The following CCNE1 variants were observed in gnomAD, a reference collection of about 807,000 sequenced individuals.
The protein encoded by CCNE1 is G1/S-specific cyclin-E1.
A neutral mutation model predicts 54.1 loss-of-function variants in CCNE1; 8 were observed. The ratio of observed to expected loss-of-function variants is 0.15; its 90% CI spans 0.09 to 0.27. The LOEUF (loss-of-function observed/expected upper bound fraction) is 0.27, where lower values mean the gene tolerates loss of function less well. Ranked by LOEUF, CCNE1 falls within the 10% of genes least tolerant of loss-of-function variation. The pLI is 1.00. For missense variants in CCNE1, 430 were observed against 514.9 expected, an observed-to-expected ratio of 0.84 and a Z score of 1.60; for synonymous variants, 179 against 185.2, an observed-to-expected ratio of 0.97 and a Z score of 0.27.
chr19:29,813,925 C>CT (rs1973952475), intron 4 of CCNE1, among the ~76,000 whole-genome samples: 1 of 152,258 alleles, frequency 6.6e-6, no homozygotes, highest in Admixed American at 6.5e-5. Flanking sequence ...AGTGTTCGAC[C>CT]TGAGTGCAGG....
intron 6 of CCNE1, among the ~76,000 whole-genome samples, chr19:29,820,031 G>A (rs1435668266): frequency 6.6e-6 from 1 of 152,218 alleles, no homozygotes; most frequent in Non-Finnish European, 1.5e-5. Context: ...TTTCCAAATA[G>A]CCAGCATCAC....
intron 1 of CCNE1, among the ~76,000 whole-genome samples, 158 bp downstream of exon 1, chr19:29,812,310 G>A (rs1599593979): frequency 2.0e-5 from 3 of 148,930 alleles, no homozygotes; most frequent in South Asian, 4.1e-4. Flanking sequence ...GGGTGGAGGG[G>A]ACACTGAGGC....
chr19:29,819,893 G>A (rs966776175), intron 6 of CCNE1, among the ~76,000 whole-genome samples: 1 of 152,216 alleles, frequency 6.6e-6, no homozygotes, highest in African/African-American at 2.4e-5. Context: ...ATCCTCGGGG[G>A]TACATCCCAA....
intron 1 of CCNE1, 27 bp from the exon 2 acceptor site, chr19:29,812,505 G>T (rs1481557180): frequency 7.9e-6 from 10 of 1,269,142 alleles, no homozygotes; most frequent in Non-Finnish European, 8.9e-6. Context: ...TGACCCCGCC[G>T]CCGCCTCACC....
In CCNE1 at chr19:29,822,215, C is replaced by T. The variant is rs1168672800; in HGVS notation, c.841-25C>T. ...AGAATAGGCGTGTGGTGGCATCCAT[C>T]TCAGCGTTCTTTTCTTCTCCGTAGC... On this transcript the variant is annotated intron_variant, in intron 9 of 11. Coordinates refer to ENST00000262643, the MANE Select transcript of CCNE1 (RefSeq NM_001238.4). 1.9e-6 allele frequency: 3 copies of T among 1,610,800 alleles called. No individual in the cohort carries two copies. The African/African-American group carries it at 4.0e-5, about 22-fold the overall frequency.
chr19:29,815,639 TTG>T (rs528760758), intron 4 of CCNE1, among the ~76,000 whole-genome samples: 7,400 of 141,134 alleles, frequency 0.052, 149 homozygotes, highest in East Asian at 0.18. Flanking sequence ...TTTTTTTTTT[TTG>T]GGGGGGGGAC....
At chr19:29,812,315 T>C (rs1973908110) in intron 1 of CCNE1, among the ~76,000 whole-genome samples, 163 bp downstream of exon 1, 1 of 145,850 alleles carries the variant, frequency 6.9e-6, no homozygotes, top group Non-Finnish European at 1.5e-5. Context: ...GAGGGGACAC[T>C]GAGGCAGCCC....
chr19:29,822,450 T>C lies in CCNE1; in HGVS notation c.957T>C (p.Tyr319=), dbSNP rs778021692. The C allele has an allele frequency of 6.2e-7, 1 of 1,614,010 alleles. No homozygotes were observed. The highest frequency in any genetic ancestry group is 8.5e-7 in the Non-Finnish European group (1 of 1,179,914). ...SSELMQKVSG[Y]QWCDIENCVK... ...CCCACGATGTCTTCACTGCAGGGTA[T>C]CAGTGGTGCGACATAGAGAACTGTG... The change falls in exon 11 of 12, where the codon TAT becomes TAC. Residue 319 remains tyrosine (Y), a synonymous_variant. Transcript: ENST00000262643.
chr19:29,813,053 G>T lies in CCNE1; in HGVS notation c.180+16G>T, dbSNP rs1484670634. 3.0e-5 allele frequency: 48 copies of T among 1,613,680 alleles called. No individual in the cohort carries two copies. The highest frequency in any genetic ancestry group is 3.6e-5 in the Non-Finnish European group (43 of 1,179,624). On this transcript the variant is annotated intron_variant, in intron 4 of 11. Transcript: ENST00000262643. ...TGGGAGCCAGGTAGGTCCGCCCGGG[G>T]TTGGGCCTCTGTGGAGGTCCTTCTC... is the stretch of plus-strand genomic sequence containing the variant.
rs1389589130 is a variant in CCNE1, at chr19:29,812,793, C to T, written c.111+17C>T. ...GTGACCGTTGTGAGTACAAAAGAGA[C>T]AGGTTGGGGAGCATCCCCCCCATCT... On this transcript the variant is annotated intron_variant, in intron 3 of 11. Coordinates refer to ENST00000262643, the MANE Select transcript of CCNE1 (RefSeq NM_001238.4). 1.3e-6 allele frequency: 2 copies of T among 1,546,776 alleles called. No homozygotes were observed. The highest frequency in any genetic ancestry group is 2.3e-5 in the South Asian group (2 of 86,062).
intron 4 of CCNE1, among the ~76,000 whole-genome samples, chr19:29,816,661 G>C (rs1448646864): frequency 1.3e-5 from 2 of 152,210 alleles, no homozygotes; most frequent in Non-Finnish European, 2.9e-5. Context: ...GTTTTAAACT[G>C]AGGGGACTTT....
chr19:29,819,535 G>A (rs1272773595), intron 6 of CCNE1, among the ~76,000 whole-genome samples: 1 of 152,128 alleles, frequency 6.6e-6, no homozygotes, highest in East Asian at 1.9e-4. Context: ...CCATGCCTTG[G>A]CCTCCCAAAG....
In CCNE1 at chr19:29,817,236, C is replaced by A. The variant is rs2145721806; in HGVS notation, c.280C>A (p.Pro94Thr). The A allele has an allele frequency of 6.2e-7, 1 of 1,614,168 alleles. No homozygotes were observed. Among genetic ancestry groups the A allele is most frequent in the Non-Finnish European group, 8.5e-7 (1 of 1,180,032 alleles). The change falls in exon 5 of 12, where the codon CCT (proline) becomes ACT (threonine). Residue 94 changes from proline (P) to threonine (T), a missense_variant. Around this residue, in one of 2 missense-constraint regions of CCNE1, gnomAD observed 303 missense variants for 401.1 expected, o/e 0.76. Coordinates refer to ENST00000262643, the MANE Select transcript of CCNE1 (RefSeq NM_001238.4). Reference sequence around the variant, plus strand: ...GGTTTACCCAAACTCAACGTGCAAGCCTCGGATTATTGCACCATCCAGAGG... The same window carrying A: ...GGTTTACCCAAACTCAACGTGCAAGACTCGGATTATTGCACCATCCAGAGG... ...DRVYPNSTCK[P>T]RIIAPSRGSP...
chr19:29,818,053 G>A (rs1974067903), intron 6 of CCNE1, among the ~76,000 whole-genome samples: 1 of 146,370 alleles, frequency 6.8e-6, no homozygotes, highest in Non-Finnish European at 1.5e-5. Flanking sequence ...TTGAGACGGA[G>A]TCTTGCTCTG....
intron 10 of CCNE1, 30 bp from the exon 11 acceptor site, chr19:29,822,416 C>G: frequency 6.2e-7 from 1 of 1,613,966 alleles, no homozygotes; most frequent in Non-Finnish European, 8.5e-7. Flanking sequence ...TTGTCAGCCT[C>G]AGATTAAGCC....
chr19:29,813,459 A>T, intron 4 of CCNE1: 1 of 160,914 alleles, frequency 6.2e-6, no homozygotes, highest in Non-Finnish European at 1.3e-5. Context: ...GGTGTTTATA[A>T]GCAACAACTT....
intron 3 of CCNE1, 57 bp downstream of exon 3, chr19:29,812,833 A>C: frequency 6.3e-7 from 1 of 1,586,844 alleles, no homozygotes; most frequent in Non-Finnish European, 8.6e-7. Flanking sequence ...TGGGTACCCG[A>C]CTTGGCTCTG....
At chr19:29,821,156 T>C (rs1974137467) in intron 7 of CCNE1, among the ~76,000 whole-genome samples, 1 of 152,144 alleles carries the variant, frequency 6.6e-6, no homozygotes, top group Admixed American at 6.6e-5. Flanking sequence ...CCCAGCACTT[T>C]GGGAGGCCAA....
intron 4 of CCNE1, among the ~76,000 whole-genome samples, chr19:29,815,242 G>T (rs900727256): frequency 2.0e-5 from 3 of 152,232 alleles, no homozygotes; most frequent in Non-Finnish European, 4.4e-5. Context: ...CCAGCATTAT[G>T]CCTTCAAGAC....
Sources: allele counts gnomAD v4.1 joint callset (sites outside exome capture counted in the v4.1 genomes callset), GRCh38; gene constraint gnomAD v4.1.1; regional missense constraint gnomAD v4.1.1; transcripts MANE v1.5; gene names NCBI Gene and HGNC (gene_info 2026-07-23, HGNC 2026-07-21).